Variants in DMBT1 observed in about 807,000 individuals in gnomAD.
DMBT1 encodes deleted in malignant brain tumors 1.
Under a neutral mutation model 252.9 loss-of-function variants are expected in DMBT1, and 198 were observed. The observed-to-expected ratio is 0.78, with a 90% CI of 0.70 to 0.88. The LOEUF (loss-of-function observed/expected upper bound fraction) is 0.88. DMBT1 is among the 40% of genes least tolerant of loss of function. The pLI is 0.00. For missense variants in DMBT1, 2,432 were observed against 2,404.7 expected (o/e 1.01, Z -0.24); for synonymous variants, 990 against 942.7 (o/e 1.05, Z -0.92).
intron 46 of DMBT1, among the ~76,000 whole-genome samples, chr10:122,628,682 A>G (rs2098136092): frequency 6.6e-6 from 1 of 152,214 alleles, no homozygotes; most frequent in Non-Finnish European, 1.5e-5. Context: ...GATTTATGCT[A>G]CAACATGATG....
intron 41 of DMBT1, among the ~76,000 whole-genome samples, chr10:122,618,924 G>A (rs1007506486): frequency 1.3e-5 from 2 of 152,376 alleles, no homozygotes; most frequent in South Asian, 2.1e-4. Flanking sequence ...CAGCCCCCAT[G>A]AGTCTGGCCA....
chr10:122,568,494 A>G (rs2981779), intron 2 of DMBT1, among the ~76,000 whole-genome samples: 101,824 of 151,912 alleles, frequency 0.67, 34,496 homozygotes, highest in East Asian at 0.77. Flanking sequence ...ATTGTAAATA[A>G]GCAGGGTGGT....
chr10:122,643,060 A>G (rs1844855546), intron 55 of DMBT1, 62 bp from the exon 56 acceptor site: 3 of 1,580,222 alleles, frequency 1.9e-6, no homozygotes, highest in Admixed American at 3.4e-5. Context: ...ACCTGGTACA[A>G]CTGAGTCATG....
At chr10:122,625,898 A>G (rs2133654536) in intron 45 of DMBT1, 35 bp from the exon 46 acceptor site, 2 of 1,572,766 alleles carry the variant, frequency 1.3e-6, no homozygotes, top group Middle Eastern at 3.3e-4. Flanking sequence ...AAAATTATCT[A>G]CTAAAATCCT....
chr10:122,585,304 C>T lies in DMBT1; in HGVS notation c.1454C>T (p.Thr485Ile), dbSNP rs749079327. 4.4e-6 allele frequency: 7 copies of T among 1,586,460 alleles called. 2 individuals carry two copies. The highest frequency in any genetic ancestry group is 5.2e-6 in the Non-Finnish European group (6 of 1,164,270). The change falls in exon 15 of 56, where the codon ACA becomes ATA. Residue 485 changes from threonine (T) to isoleucine (I), a missense_variant. By Grantham distance (89) the Thr-to-Ile change is moderately conservative. Around this residue, in one of 3 missense-constraint regions of DMBT1, gnomAD observed 1,264 missense variants for 1,082.2 expected, o/e 1.17. Transcript: ENST00000338354. ...CCGACCATCACCTTACCTGCATCGA[C>T]AGTAGGTAAATAATCCTCTCGCCCC... ...TLPTITLPAS[T>I]VGSESSLALR...
rs757700240 is a variant in DMBT1 at position 122,630,385 on chromosome 10, A to G, written c.5920A>G (p.Arg1974Gly). Residue 1974 changes from arginine to glycine, a missense_variant, in exon 48 of 56, where the codon AGG (arginine) becomes GGG (glycine). Arg to Gly is a moderately radical substitution (Grantham distance 125). Around this residue, in one of 3 missense-constraint regions of DMBT1, gnomAD observed 1,162 missense variants for 1,169.0 expected, o/e 0.99. Transcript: ENST00000338354. The stretch of plus-strand genomic sequence containing the variant: ...GCTGGGGAAAATCTGTAATGATACC[A>G]GGCAAATATTTACATCTTCTTACAA... ...LLLGKICNDT[R>G]QIFTSSYNRM... The G allele has an allele frequency of 1.9e-6, 3 of 1,614,018 alleles. No individual in the cohort carries two copies. The highest frequency in any genetic ancestry group is 1.7e-6 in the Non-Finnish European group (2 of 1,179,898).
intron 54 of DMBT1, 70 bp from the exon 55 acceptor site, chr10:122,639,970 C>T (rs1247011078): frequency 4.5e-6 from 7 of 1,540,638 alleles, no homozygotes; most frequent in Non-Finnish European, 5.3e-6. Context: ...CATTCACACC[C>T]AAATCAGCTA....
chr10:122,634,334 A>T (rs2098191969), intron 52 of DMBT1, among the ~76,000 whole-genome samples: 1 of 131,040 alleles, frequency 7.6e-6, no homozygotes, highest in African/African-American at 2.9e-5. Context: ...ACATTACTAA[A>T]AGCACTTTTC....
intron 5 of DMBT1, among the ~76,000 whole-genome samples, chr10:122,573,494 G>A (rs1159520969): frequency 1.3e-5 from 2 of 152,178 alleles, no homozygotes; most frequent in Admixed American, 6.5e-5. Flanking sequence ...CAGAGGACAT[G>A]GGGGTAGGGT....
intron 8 of DMBT1, 120 bp downstream of exon 8, chr10:122,577,960 C>T (rs918278545): frequency 7.2e-5 from 81 of 1,123,824 alleles, no homozygotes; most frequent in Non-Finnish European, 1.0e-4. Flanking sequence ...ATTTCACCCC[C>T]AACTCTGTAA....
chr10:122,592,724 C>A, intron 20 of DMBT1, 129 bp downstream of exon 20: 1 of 1,459,326 alleles, frequency 6.9e-7, no homozygotes, highest in Non-Finnish European at 9.2e-7. Flanking sequence ...GTCTTGTTAG[C>A]TCTCTGCTAA....
At chr10:122,626,124 T>C (rs2098117411) in intron 46 of DMBT1, among the ~76,000 whole-genome samples, 159 bp downstream of exon 46, 1 of 152,246 alleles carries the variant, frequency 6.6e-6, no homozygotes, top group South Asian at 2.1e-4. Flanking sequence ...TTTGAATCAA[T>C]GAGATAAGTA....
At position 122,579,594 on chromosome 10, in the gene DMBT1, G is replaced by A. The variant is rs772228714; in HGVS notation, c.696G>A (p.Leu232=). The A allele has an allele frequency of 3.1e-6, 5 of 1,613,320 alleles. No individual in the cohort carries two copies. The Middle Eastern group carries it at 5.3e-4, about 172-fold the overall frequency. ...CCCCTGTAGGATCTGAATCCAGTTT[G>A]GCCCTGAGGCTGGTGAATGGAGGCG... is the stretch of plus-strand genomic sequence containing the variant. ...PVPTEGSESS[L]ALRLVNGGDR... is the part of the protein sequence containing the mutation. The change falls in exon 10 of 56, where the codon TTG becomes TTA. Residue 232 remains leucine, a synonymous_variant. Transcript: ENST00000338354.
In DMBT1 at chr10:122,585,264, A is replaced by G. The variant is rs1256393701; in HGVS notation, c.1421-7A>G. ...AATTCTAGCCTTTGTCTCTGTTGCA[A>G]TTACAGACACGTTGCCGACCATCAC... is the stretch of plus-strand genomic sequence containing the variant. On this transcript the variant is annotated splice_polypyrimidine_tract_variant and splice_region_variant and intron_variant, in intron 14 of 55. Coordinates refer to ENST00000338354, the MANE Select transcript of DMBT1 (RefSeq NM_001377530.1). 1.9e-6 allele frequency: 3 copies of G among 1,586,334 alleles called. No homozygotes were observed. The highest frequency in any genetic ancestry group is 3.4e-5 in the Admixed American group (2 of 59,500).
Position 122,579,770 on chromosome 10 carries a change from AG to A in DMBT1, c.875del (p.Gly292AlafsTer72). ...GCCCCAGGAAATGCCCAGTTTGGCC[AG>A]GGCTCAGGACCCATTGTCCTGGATG... ...MSAPGNAQFG[Q>X]GSGPIVLDDV... On this transcript the variant is annotated frameshift_variant, in exon 10 of 56. Transcript: ENST00000338354. LOFTEE classifies it high-confidence loss of function. The A allele has an allele frequency of 6.2e-7, 1 of 1,613,810 alleles. No individual in the cohort carries two copies. The highest frequency in any genetic ancestry group is 1.3e-5 in the African/African-American group (1 of 75,038).
intron 7 of DMBT1, 99 bp downstream of exon 7, chr10:122,576,821 G>A (rs1013697440): frequency 5.5e-5 from 80 of 1,457,132 alleles, no homozygotes; most frequent in Non-Finnish European, 6.6e-5. Flanking sequence ...GAGCTCAGGC[G>A]TTCAAGACCA....
Position 122,597,604 on chromosome 10 carries a change from G to A in DMBT1, c.2918-370G>A, listed in dbSNP as rs186994813. On this transcript the variant is annotated intron_variant, in intron 24 of 55. Transcript: ENST00000338354. ...TATTTCTGGTGCCTCCACTTACTGG[G>A]AAACTTGATACCCCTTTGGTCAGCT... Among the ~76,000 whole-genome samples the A allele has an allele frequency of 5.2e-3, 795 of 152,340 alleles. 7 individuals carry two copies. Among genetic ancestry groups the A allele is most frequent in the African/African-American group, 0.018 (747 of 41,574 alleles).
chr10:122,600,827 G>T (rs370001838), intron 27 of DMBT1, among the ~76,000 whole-genome samples, 164 bp from the exon 28 acceptor site: 2 of 152,168 alleles, frequency 1.3e-5, no homozygotes. Context: ...TTTGTCCGTG[G>T]ATGAGTTCAC....
At chr10:122,581,465 G>T (rs1400362229) in intron 11 of DMBT1, among the ~76,000 whole-genome samples, 1 of 149,644 alleles carries the variant, frequency 6.7e-6, no homozygotes, top group Non-Finnish European at 1.5e-5. Flanking sequence ...CATTTTACCT[G>T]GCAGTGTCCG....
Sources: gnomAD v4.1 joint callset for allele counts (sites outside exome capture counted in the v4.1 genomes callset) on GRCh38, gnomAD v4.1.1 for gene constraint, gnomAD v4.1.1 regional missense constraint, MANE v1.5 for transcripts, NCBI Gene and HGNC (gene_info 2026-07-23, HGNC 2026-07-21) for gene names.